The following ILRUN variants were observed in gnomAD, a reference collection of about 807,000 sequenced individuals.
ILRUN encodes the protein protein ILRUN.
ILRUN carries 3 observed loss-of-function variants against 33.8 expected under a neutral mutation model. The observed-to-expected ratio is 0.09, with a 90% CI of 0.04 to 0.23. The LOEUF (loss-of-function observed/expected upper bound fraction) is 0.23, where lower values mean the gene tolerates loss of function less well. Among genes scored for constraint, ILRUN ranks in the 10% least tolerant of loss-of-function variants. The pLI is 1.00. For synonymous variants in ILRUN, 124 were observed against 138.9 expected (o/e 0.89, Z 0.75); for missense variants, 210 against 375.1 (o/e 0.56, Z 3.64).
chr6:34,620,820 C>A (rs188867776), intron 3 of ILRUN, among the ~76,000 whole-genome samples: 10 of 152,236 alleles, frequency 6.6e-5, no homozygotes, highest in Admixed American at 2.0e-4. Context: ...TAAAGTGAGA[C>A]CCTGTCTCAA....
intron 1 of ILRUN, among the ~76,000 whole-genome samples, chr6:34,673,309 A>T (rs1268967282): frequency 2.6e-5 from 4 of 152,224 alleles, no homozygotes; most frequent in African/African-American, 9.6e-5. Flanking sequence ...AGTCCAGATC[A>T]GGGTAGGTCC....
intron 3 of ILRUN, among the ~76,000 whole-genome samples, chr6:34,613,219 C>A (rs1322494415): frequency 5.8e-5 from 3 of 51,516 alleles, no homozygotes; most frequent in Non-Finnish European, 1.0e-4. Context: ...GTCTCAAAAA[C>A]AACAACAACA....
chr6:34,685,024 C>A (rs1203026473), intron 1 of ILRUN, among the ~76,000 whole-genome samples: 1 of 152,202 alleles, frequency 6.6e-6, no homozygotes, highest in East Asian at 1.9e-4. Flanking sequence ...GGTATGTCCA[C>A]AAAATAGACT....
intron 2 of ILRUN, among the ~76,000 whole-genome samples, chr6:34,651,628 C>T (rs1762670402): frequency 6.6e-6 from 1 of 151,752 alleles, no homozygotes; most frequent in Non-Finnish European, 1.5e-5. Flanking sequence ...AAAGCCAGGC[C>T]ATTTTCATTG....
At chr6:34,663,416 C>T (rs1762930496) in intron 1 of ILRUN, among the ~76,000 whole-genome samples, 1 of 151,920 alleles carries the variant, frequency 6.6e-6, no homozygotes, top group Non-Finnish European at 1.5e-5. Flanking sequence ...GAATGAGACC[C>T]TGTCTCAAAG....
chr6:34,647,329 A>G (rs983531967), intron 2 of ILRUN, among the ~76,000 whole-genome samples: 5 of 152,218 alleles, frequency 3.3e-5, no homozygotes, highest in African/African-American at 1.2e-4. Context: ...TCTGGGGTCC[A>G]TAACTATAAA....
intron 1 of ILRUN, among the ~76,000 whole-genome samples, chr6:34,692,971 A>C (rs1026008985): frequency 7.9e-5 from 12 of 152,250 alleles, no homozygotes; most frequent in African/African-American, 2.6e-4. Flanking sequence ...CCAGCTACTC[A>C]AGAGGCTGAG....
intron 1 of ILRUN, among the ~76,000 whole-genome samples, chr6:34,681,955 G>A (rs1040902091): frequency 9.7e-5 from 14 of 143,872 alleles, no homozygotes; most frequent in African/African-American, 3.3e-4. Flanking sequence ...AGGTTCAAGC[G>A]ATTCACCTGA....
intron 3 of ILRUN, among the ~76,000 whole-genome samples, chr6:34,630,058 G>C (rs1762213119): frequency 6.6e-6 from 1 of 151,956 alleles, no homozygotes; most frequent in South Asian, 2.1e-4. Context: ...TGCATTTTGG[G>C]GCCATTATTA....
At chr6:34,601,136 G>C (rs1761498817) in intron 4 of ILRUN, among the ~76,000 whole-genome samples, 1 of 152,194 alleles carries the variant, frequency 6.6e-6, no homozygotes, top group African/African-American at 2.4e-5. Context: ...GGTGACTGGA[G>C]TTTTTTGTCA....
chr6:34,621,354 T>A (rs1762009336), intron 3 of ILRUN, among the ~76,000 whole-genome samples: 1 of 152,224 alleles, frequency 6.6e-6, no homozygotes. Flanking sequence ...AAGGAATCGC[T>A]ACTTTGTAAC....
In ILRUN at chr6:34,696,563, T is replaced by C. The variant is rs767667766; in HGVS notation, c.41A>G (p.Gln14Arg). 3 of 1,612,778 alleles carry C rather than the reference T, an allele frequency of 1.9e-6. No individual in the cohort carries two copies. The highest frequency in any genetic ancestry group is 2.2e-5 in the East Asian group (1 of 44,828). Residue 14 changes from glutamine to arginine, a missense_variant, in exon 1 of 5, where the codon CAG (glutamine) becomes CGG (arginine). Gln to Arg is a conservative substitution (Grantham distance 43, BLOSUM62 1). Transcript: ENST00000374023. ...GGTGGTGCCCAGGCAGCTGAACTTC[T>C]GCATCAGCTCCGGGTCCAGGTCTAC... is the stretch of plus-strand genomic sequence containing the variant. ...MDVDLDPELM[Q>R]KFSCLGTTDK...
At chr6:34,662,306 A>G (rs77101514) in intron 1 of ILRUN, among the ~76,000 whole-genome samples, 1 of 122,912 alleles carries the variant, frequency 8.1e-6, no homozygotes, top group Non-Finnish European at 1.7e-5. Context: ...ACTCCGTCTC[A>G]AAAAAAAAAA....
At chr6:34,601,487 A>G (rs1027509284) in intron 4 of ILRUN, among the ~76,000 whole-genome samples, 4 of 152,028 alleles carry the variant, frequency 2.6e-5, no homozygotes, top group African/African-American at 7.3e-5. Flanking sequence ...AATGCCTCAC[A>G]TAAGCACTAG....
At position 34,637,467 on chromosome 6, in the gene ILRUN, T is replaced by G. The variant is rs1762386460; in HGVS notation, c.511+9134A>C. ...TCCAACATTTCAGACTAAAGAAGCT[T>G]CTGTTTAACAGAAGGGCGCTGGCTA... On this transcript the variant is annotated intron_variant, in intron 3 of 4. Transcript: ENST00000374023. Among the ~76,000 whole-genome samples the G allele has an allele frequency of 3.3e-5, 5 of 152,218 alleles. No homozygotes were observed. In the South Asian group the frequency reaches 1.0e-3, roughly 31 times the overall value.
At position 34,667,096 on chromosome 6, in the gene ILRUN, GA is replaced by G. The variant is rs570635734; in HGVS notation, c.159-12318del. On this transcript the variant is annotated intron_variant, in intron 1 of 4. Transcript: ENST00000374023. Reference sequence around the variant, plus strand: ...AGAAAAAGATACTAAAAACTGAGAGGAAAAAAAAATCTATCTATAGTTTATT... The same window carrying G: ...AGAAAAAGATACTAAAAACTGAGAGGAAAAAAAATCTATCTATAGTTTATT... Among the ~76,000 whole-genome samples the G allele has an allele frequency of 4.6e-4, 70 of 151,100 alleles. 1 individual carries two copies. Among genetic ancestry groups the G allele is most frequent in the African/African-American group, 1.7e-3 (69 of 41,190 alleles).
At chr6:34,614,921 C>G (rs1018928092) in intron 3 of ILRUN, among the ~76,000 whole-genome samples, 1 of 152,092 alleles carries the variant, frequency 6.6e-6, no homozygotes, top group African/African-American at 2.4e-5. Context: ...CTATAGGATA[C>G]TTGCCAGTAT....
rs1438528257 is a variant in ILRUN, at chr6:34,592,550, G to A, written c.862-1950C>T. Among the ~76,000 whole-genome samples, 7 of 152,168 alleles carry A rather than the reference G, an allele frequency of 4.6e-5. No homozygotes were observed. The highest frequency in any genetic ancestry group is 7.2e-5 in the African/African-American group (3 of 41,438). On this transcript the variant is annotated intron_variant, in intron 4 of 4. Transcript: ENST00000374023. This position sits in a 1 kb window ranked among gnomAD's most constrained non-coding sequence, Gnocchi z 4.0. ...CATACATCAGAGGTATCAAGTTCACGCAAAAGTAATTGCAGTTTTTGCCAT... is the reference window on the plus strand; with the variant it reads ...CATACATCAGAGGTATCAAGTTCACACAAAAGTAATTGCAGTTTTTGCCAT...
At chr6:34,637,735 T>C (rs1241105723) in intron 3 of ILRUN, among the ~76,000 whole-genome samples, 1 of 152,230 alleles carries the variant, frequency 6.6e-6, no homozygotes, top group Non-Finnish European at 1.5e-5. Flanking sequence ...GGATTACTGT[T>C]TCATCAGATT....
Sources: gnomAD v4.1 joint callset for allele counts (sites outside exome capture counted in the v4.1 genomes callset) on GRCh38, gnomAD v4.1.1 for gene constraint, Gnocchi (gnomAD v3.1) non-coding constraint, MANE v1.5 for transcripts, NCBI Gene and HGNC (gene_info 2026-07-23, HGNC 2026-07-21) for gene names.